ZNF804B: variants seen among roughly 807,000 people sequenced by gnomAD.
The protein encoded by ZNF804B is zinc finger protein 804B, also known as zinc finger 804B.
Under a neutral mutation model 101.4 loss-of-function variants are expected in ZNF804B, and 80 were observed. The ratio of observed to expected loss-of-function variants is 0.79; its 90% CI spans 0.66 to 0.95. ZNF804B has a LOEUF of 0.95. Ranked by LOEUF, ZNF804B falls within the 40% of genes least tolerant of loss-of-function variation. The probability of loss-of-function intolerance (pLI) is 0.00; values close to 1 mark genes in which losing one functional copy is unlikely to be tolerated. For synonymous variants in ZNF804B, 622 were observed against 558.8 expected, an observed-to-expected ratio of 1.11 and a Z score of -1.59; for missense variants, 1,673 against 1,561.9, an observed-to-expected ratio of 1.07 and a Z score of -1.20.
At chr7:89,085,366 A>C (rs1789781847) in intron 1 of ZNF804B, among the ~76,000 whole-genome samples, 1 of 151,920 alleles carries the variant, frequency 6.6e-6, no homozygotes, top group Admixed American at 6.6e-5. Context: ...AAAGTTTCTG[A>C]ATAGTTTGGG....
chr7:88,937,423 C>A (rs1191056392), intron 1 of ZNF804B, among the ~76,000 whole-genome samples: 1 of 152,004 alleles, frequency 6.6e-6, no homozygotes, highest in Non-Finnish European at 1.5e-5. Context: ...CATCGACCTG[C>A]AAAATATTAG....
At chr7:89,269,672 T>C in intron 2 of ZNF804B, among the ~76,000 whole-genome samples, 1 of 152,192 alleles carries the variant, frequency 6.6e-6, no homozygotes, top group Non-Finnish European at 1.5e-5. Flanking sequence ...TAGTTTACAG[T>C]CCCACCAATA....
At chr7:89,068,111 T>G (rs1469717448) in intron 1 of ZNF804B, among the ~76,000 whole-genome samples, 1 of 149,206 alleles carries the variant, frequency 6.7e-6, no homozygotes, top group African/African-American at 2.5e-5. Context: ...ATATCAACTA[T>G]TTTCAACCAG....
chr7:89,290,513 C>T (rs980605602), intron 2 of ZNF804B, among the ~76,000 whole-genome samples: 1 of 152,072 alleles, frequency 6.6e-6, no homozygotes, highest in Non-Finnish European at 1.5e-5. Context: ...CCAGGCCTGG[C>T]AGTATTCACC....
intron 1 of ZNF804B, among the ~76,000 whole-genome samples, chr7:88,791,735 G>A (rs1164241040): frequency 6.6e-6 from 1 of 152,032 alleles, no homozygotes; most frequent in Non-Finnish European, 1.5e-5. Flanking sequence ...AATAATAAGT[G>A]ATACAAAGAG....
intron 1 of ZNF804B, among the ~76,000 whole-genome samples, chr7:89,087,488 C>T (rs1254620990): frequency 6.6e-6 from 1 of 151,820 alleles, no homozygotes; most frequent in Non-Finnish European, 1.5e-5. Context: ...AATACAACAT[C>T]AAAATACACT....
In ZNF804B at chr7:89,076,645, CTG is replaced by C. The variant is rs1007198844; in HGVS notation, c.109-141507_109-141506del. Among the ~76,000 whole-genome samples, 10 of 152,150 alleles carry C rather than the reference CTG, an allele frequency of 6.6e-5. No individual in the cohort carries two copies. The South Asian group carries it at 1.9e-3, about 28-fold the overall frequency. On this transcript the variant is annotated intron_variant, in intron 1 of 3. Transcript: ENST00000333190. Reference sequence around the variant, plus strand: ...ATCCAAATGATTTCTGATAATATGACTGTGACATTTACAGAAATTTTTATTCA... The same window carrying C: ...ATCCAAATGATTTCTGATAATATGACTGACATTTACAGAAATTTTTATTCA...
intron 1 of ZNF804B, among the ~76,000 whole-genome samples, chr7:89,077,849 G>C (rs1789636971): frequency 6.6e-6 from 1 of 152,020 alleles, no homozygotes; most frequent in Non-Finnish European, 1.5e-5. Context: ...AATACCTAAA[G>C]TGCTATTCAC....
chr7:88,848,735 G>A (rs1036904539), intron 1 of ZNF804B, among the ~76,000 whole-genome samples: 1 of 151,566 alleles, frequency 6.6e-6, no homozygotes, highest in Non-Finnish European at 1.5e-5. Context: ...AAAGTTTCGG[G>A]GACAAGAAAG....
At chr7:89,061,109 C>A (rs556813278) in intron 1 of ZNF804B, among the ~76,000 whole-genome samples, 1 of 152,114 alleles carries the variant, frequency 6.6e-6, no homozygotes, top group South Asian at 2.1e-4. Context: ...AACTGTTATA[C>A]CCTTATGACT....
intron 1 of ZNF804B, among the ~76,000 whole-genome samples, chr7:88,990,223 A>G (rs1212100065): frequency 2.0e-5 from 3 of 152,016 alleles, no homozygotes; most frequent in African/African-American, 7.2e-5. Flanking sequence ...CTGTAGAAAT[A>G]TAGTATACTT....
chr7:89,282,913 T>C (rs1394216772), intron 2 of ZNF804B, among the ~76,000 whole-genome samples: 1 of 152,190 alleles, frequency 6.6e-6, no homozygotes, highest in Admixed American at 6.5e-5. Context: ...CCAGTGAAAC[T>C]AATTTTATAA....
chr7:89,252,532 G>A (rs1170978609), intron 2 of ZNF804B, among the ~76,000 whole-genome samples: 1 of 152,136 alleles, frequency 6.6e-6, no homozygotes. Flanking sequence ...CCATTAGTGG[G>A]TGGATGTCCC....
chr7:89,016,280 T>C (rs906123976), intron 1 of ZNF804B, among the ~76,000 whole-genome samples: 3 of 152,160 alleles, frequency 2.0e-5, no homozygotes, highest in Admixed American at 6.5e-5. Context: ...TCTCCCATTT[T>C]GTAGGTTGCC....
At chr7:89,156,068 CTT>C (rs1790967296) in intron 1 of ZNF804B, among the ~76,000 whole-genome samples, 1 of 61,904 alleles carries the variant, frequency 1.6e-5, no homozygotes, top group Non-Finnish European at 4.1e-5. Flanking sequence ...TTCTTTCTTT[CTT>C]TCTCTCTTTC....
chr7:89,176,099 T>C (rs1345290335), intron 1 of ZNF804B, among the ~76,000 whole-genome samples: 2 of 151,992 alleles, frequency 1.3e-5, no homozygotes, highest in Non-Finnish European at 2.9e-5. Context: ...TGATGTTGAA[T>C]AACAGTGCTG....
intron 1 of ZNF804B, among the ~76,000 whole-genome samples, chr7:88,773,948 A>G (rs1360010043): frequency 6.6e-6 from 1 of 152,112 alleles, no homozygotes; most frequent in Non-Finnish European, 1.5e-5. Flanking sequence ...GGAAATTACA[A>G]TTCAACATGA....
intron 1 of ZNF804B, among the ~76,000 whole-genome samples, chr7:88,766,676 T>C (rs1789988365): frequency 6.6e-6 from 1 of 152,202 alleles, no homozygotes; most frequent in South Asian, 2.1e-4. Context: ...TTCCAATGAC[T>C]CTCGTTATTT....
In ZNF804B at chr7:88,871,469, A is replaced by G. The variant is rs369510969; in HGVS notation, c.108+111385A>G. On this transcript the variant is annotated intron_variant, in intron 1 of 3. Transcript: ENST00000333190. ...TGCTTTTAAAATTTTTCAATTATCA[A>G]TAACAATTGAAAGATAATATAAAAT... 4.6e-5 allele frequency among the ~76,000 whole-genome samples: 7 copies of G among 152,276 alleles called. No homozygotes were observed. The East Asian group carries it at 5.8e-4, about 13-fold the overall frequency.
Sources: gnomAD v4.1 joint callset for allele counts (sites outside exome capture counted in the v4.1 genomes callset) on GRCh38, gnomAD v4.1.1 for gene constraint, MANE v1.5 for transcripts, NCBI Gene and HGNC (gene_info 2026-07-23, HGNC 2026-07-21) for gene names.